The following DGKB variants were observed in gnomAD, a reference collection of about 807,000 sequenced individuals.
DGKB encodes the protein diacylglycerol kinase beta.
DGKB carries 67 observed loss-of-function variants against 114.3 expected under a neutral mutation model. The ratio of observed to expected loss-of-function variants is 0.59; its 90% CI spans 0.48 to 0.72. The LOEUF (loss-of-function observed/expected upper bound fraction) is 0.72, where lower values mean the gene tolerates loss of function less well. DGKB is among the 30% of genes least tolerant of loss of function. The pLI, the probability that DGKB is intolerant of heterozygous loss-of-function variation, is 0.00. For synonymous variants in DGKB, 398 were observed against 323.1 expected (o/e 1.23, Z -2.49); for missense variants, 907 against 975.2 (o/e 0.93, Z 0.93).
chr7:14,789,471 C>A (rs748583069), intron 2 of DGKB, among the ~76,000 whole-genome samples: 8 of 152,166 alleles, frequency 5.3e-5, no homozygotes, highest in Non-Finnish European at 1.0e-4. Context: ...AGGGCTACCA[C>A]AGTGTCCTTA....
At chr7:14,670,807 T>C (rs1014845885) in intron 13 of DGKB, among the ~76,000 whole-genome samples, 1 of 152,188 alleles carries the variant, frequency 6.6e-6, no homozygotes, top group Admixed American at 6.5e-5. Context: ...TTATTGTTTA[T>C]TGTCTACATT....
intron 6 of DGKB, among the ~76,000 whole-genome samples, chr7:14,706,242 G>T (rs1319874735): frequency 1.4e-5 from 2 of 145,896 alleles, no homozygotes; most frequent in African/African-American, 5.2e-5. Context: ...ATGGTAAAGG[G>T]ATCAATTCAA....
chr7:14,156,489 A>G (rs1215262314), intron 25 of DGKB, among the ~76,000 whole-genome samples: 1 of 152,128 alleles, frequency 6.6e-6, no homozygotes, highest in Non-Finnish European at 1.5e-5. Context: ...AATAAACTCT[A>G]TGTCTAAAAA....
At chr7:14,928,386 C>G (rs978096568) in intron 1 of DGKB, among the ~76,000 whole-genome samples, 1 of 151,906 alleles carries the variant, frequency 6.6e-6, no homozygotes, top group African/African-American at 2.4e-5. Context: ...AAATAATGAA[C>G]AAATATATAT....
At chr7:14,661,655 CA>C (rs1179663043) in intron 13 of DGKB, among the ~76,000 whole-genome samples, 4 of 151,942 alleles carry the variant, frequency 2.6e-5, no homozygotes, top group African/African-American at 9.7e-5. Context: ...GGCGATTCCT[CA>C]GGGATCTAGA....
At chr7:14,534,774 C>A (rs1233272516) in intron 20 of DGKB, among the ~76,000 whole-genome samples, 1 of 152,088 alleles carries the variant, frequency 6.6e-6, no homozygotes, top group African/African-American at 2.4e-5. Context: ...ACAGAATATT[C>A]TCTGGGATAA....
At chr7:14,704,608 G>A (rs935339506) in intron 6 of DGKB, among the ~76,000 whole-genome samples, 1 of 151,860 alleles carries the variant, frequency 6.6e-6, no homozygotes, top group African/African-American at 2.4e-5. Context: ...CTCCCAGCAC[G>A]CAGCTGAAGA....
chr7:14,845,394 C>G (rs1271089046), intron 1 of DGKB, among the ~76,000 whole-genome samples: 3 of 152,138 alleles, frequency 2.0e-5, no homozygotes, highest in Non-Finnish European at 4.4e-5. Context: ...TGTCTCCACA[C>G]ACTACAATTA....
rs369070038 is a variant in DGKB at position 14,666,865 on chromosome 7, G to C, written c.1134+6064C>G. ...CATTAAATAAATTTTAAGTAATATA[G>C]ATTTTTGATAGTACTTTCAAAAGAT... is the stretch of plus-strand genomic sequence containing the variant. On this transcript the variant is annotated intron_variant, in intron 13 of 25. Coordinates refer to ENST00000402815, the MANE Select transcript of DGKB (RefSeq NM_001350709.2). 3.0e-4 allele frequency among the ~76,000 whole-genome samples: 45 copies of C among 151,886 alleles called. No homozygotes were observed. The East Asian group carries it at 3.5e-3, about 12-fold the overall frequency.
chr7:14,442,661 A>C (rs1055517695), intron 21 of DGKB, among the ~76,000 whole-genome samples: 2 of 152,132 alleles, frequency 1.3e-5, no homozygotes, highest in Non-Finnish European at 2.9e-5. Context: ...TAAGAGTTTT[A>C]ATATGTAATA....
At chr7:14,641,567 T>G (rs1270777827) in intron 13 of DGKB, among the ~76,000 whole-genome samples, 1 of 152,078 alleles carries the variant, frequency 6.6e-6, no homozygotes, top group African/African-American at 2.4e-5. Context: ...TTGTAATAGA[T>G]GTAATGTAGA....
At chr7:14,320,437 C>T (rs182998875) in intron 23 of DGKB, among the ~76,000 whole-genome samples, 40 of 152,192 alleles carry the variant, frequency 2.6e-4, no homozygotes, top group Admixed American at 2.1e-3. Context: ...AATGCCATAG[C>T]CTTGCTCCAC....
intron 23 of DGKB, among the ~76,000 whole-genome samples, chr7:14,274,043 T>A (rs192664825): frequency 1.3e-5 from 2 of 152,344 alleles, no homozygotes; most frequent in East Asian, 3.9e-4. Flanking sequence ...ATGTCCCTTT[T>A]TGATACACTT....
At chr7:14,704,260 C>T (rs1433315203) in intron 6 of DGKB, among the ~76,000 whole-genome samples, 1 of 145,840 alleles carries the variant, frequency 6.9e-6, no homozygotes, top group African/African-American at 2.6e-5. Flanking sequence ...ACGGTGAAAC[C>T]CCGTCTCTAC....
intron 21 of DGKB, among the ~76,000 whole-genome samples, chr7:14,406,968 G>T (rs773828906): frequency 1.2e-4 from 19 of 152,088 alleles, no homozygotes; most frequent in Non-Finnish European, 2.5e-4. Flanking sequence ...GTTCTGTATT[G>T]AGCAGATAAT....
At chr7:14,279,028 C>T (rs942164875) in intron 23 of DGKB, among the ~76,000 whole-genome samples, 6 of 152,074 alleles carry the variant, frequency 3.9e-5, no homozygotes, top group Admixed American at 3.3e-4. Flanking sequence ...GTGCACGCAC[C>T]GTGAGCGAGC....
rs575106697 is a variant in DGKB, at chr7:14,514,850, T to G, written c.1771-36625A>C. On this transcript the variant is annotated intron_variant, in intron 20 of 25. Transcript: ENST00000402815. ...AGGAGGACTGCTTGAGCCCAGGAGTTTAAGATCAGCCTGAGCAACATAGGG... is the reference window on the plus strand; with the variant it reads ...AGGAGGACTGCTTGAGCCCAGGAGTGTAAGATCAGCCTGAGCAACATAGGG... 6.6e-5 allele frequency among the ~76,000 whole-genome samples: 10 copies of G among 151,884 alleles called. No individual in the cohort carries two copies. In the East Asian group the frequency reaches 1.6e-3, roughly 24 times the overall value.
chr7:14,714,901 G>A (rs1452428049), intron 6 of DGKB, among the ~76,000 whole-genome samples: 1 of 152,154 alleles, frequency 6.6e-6, no homozygotes, highest in Non-Finnish European at 1.5e-5. Context: ...GGAGTAAAGT[G>A]GGCAAGAGTA....
chr7:14,704,858 A>G (rs1225078739), intron 6 of DGKB, among the ~76,000 whole-genome samples: 1 of 152,128 alleles, frequency 6.6e-6, no homozygotes, highest in South Asian at 2.1e-4. Flanking sequence ...ATAAAACCAC[A>G]AAGATGGGGA....
Sources: allele counts gnomAD v4.1 joint callset (sites outside exome capture counted in the v4.1 genomes callset), GRCh38; gene constraint gnomAD v4.1.1; transcripts MANE v1.5; gene names NCBI Gene and HGNC (gene_info 2026-07-23, HGNC 2026-07-21).